Variants in CEP89 observed in about 807,000 individuals in gnomAD.
CEP89 encodes centrosomal protein of 89 kDa.
Under a neutral mutation model 97.6 loss-of-function variants are expected in CEP89, and 95 were observed. That is an observed-to-expected ratio of 0.97 (90% CI 0.82 to 1.15). CEP89 has a LOEUF of 1.15. CEP89 is among the 50% of genes most tolerant of loss of function. The pLI, the probability that CEP89 is intolerant of heterozygous loss-of-function variation, is 0.00. For missense variants in CEP89, 869 were observed against 947.7 expected (o/e 0.92, Z 1.09); for synonymous variants, 354 against 349.1 (o/e 1.01, Z -0.16).
At chr19:32,912,252 G>C (rs548320398) in intron 14 of CEP89, among the ~76,000 whole-genome samples, 1 of 152,170 alleles carries the variant, frequency 6.6e-6, no homozygotes, top group East Asian at 1.9e-4. Context: ...CATTGTGATG[G>C]TTAATTTTAT....
chr19:32,887,770 C>CTTT lies in CEP89; in HGVS notation c.1944_1946dup (p.Lys649dup). ...CACTTACCTTGACTTTTTCCTCTAA[C>CTTT]TTTCCCAGGCGAATGTTGCTTTTTA... On this transcript the variant is annotated inframe_insertion, in exon 17 of 19. Transcript: ENST00000305768. The CTTT allele has an allele frequency of 6.2e-7, 1 of 1,611,784 alleles. No homozygotes were observed. Among genetic ancestry groups the CTTT allele is most frequent in the Non-Finnish European group, 8.5e-7 (1 of 1,177,892 alleles).
chr19:32,940,941 A>G lies in CEP89; in HGVS notation c.596-1056T>C, dbSNP rs149233396. On this transcript the variant is annotated intron_variant, in intron 5 of 18. Transcript: ENST00000305768. ...ACACCCAGCTAATTTTTGTATTTTTAGTAGAGACAGGGTTCCCCCACGTTG... is the reference window on the plus strand; with the variant it reads ...ACACCCAGCTAATTTTTGTATTTTTGGTAGAGACAGGGTTCCCCCACGTTG... Among the ~76,000 whole-genome samples, 554 of 151,958 alleles carry G rather than the reference A, an allele frequency of 3.6e-3. 1 individual carries two copies. The highest frequency in any genetic ancestry group is 6.0e-3 in the Non-Finnish European group (409 of 67,964).
chr19:32,941,580 T>C (rs1050410382), intron 5 of CEP89, among the ~76,000 whole-genome samples: 4 of 152,212 alleles, frequency 2.6e-5, no homozygotes, highest in Non-Finnish European at 4.4e-5. Flanking sequence ...AGCTCATTTT[T>C]GGCCAAAGTC....
intron 13 of CEP89, chr19:32,917,855 G>C: frequency 1.1e-6 from 1 of 938,134 alleles, no homozygotes; most frequent in Non-Finnish European, 1.3e-6. Context: ...GAAAGTGAAT[G>C]GTTCTGCTTA....
At chr19:32,932,097 C>A (rs1315075712) in intron 8 of CEP89, among the ~76,000 whole-genome samples, 1 of 151,472 alleles carries the variant, frequency 6.6e-6, no homozygotes, top group Non-Finnish European at 1.5e-5. Flanking sequence ...AGGAGAATGG[C>A]GTGAACCCAG....
chr19:32,967,492 C>T (rs1298063698), intron 1 of CEP89, among the ~76,000 whole-genome samples: 1 of 143,330 alleles, frequency 7.0e-6, no homozygotes, highest in African/African-American at 2.6e-5. Flanking sequence ...GGGAGAAAGG[C>T]TCTCACTAAA....
chr19:32,927,270 A>G (rs1226934083), intron 9 of CEP89, among the ~76,000 whole-genome samples: 1 of 152,152 alleles, frequency 6.6e-6, no homozygotes, highest in East Asian at 1.9e-4. Context: ...GAAATGTTTT[A>G]GAGTAATTTG....
Position 32,899,857 on chromosome 19 carries a change from C to A in CEP89, c.1875G>T (p.Leu625Phe). The change falls in exon 16 of 19, where the codon TTG (leucine) becomes TTT (phenylalanine). Residue 625 changes from leucine (L) to phenylalanine (F), a missense_variant and splice_region_variant. Physicochemically the swap from Leu to Phe is conservative, Grantham distance 22. Transcript: ENST00000305768. The part of the protein sequence containing the change: ...ITQERDSLMC[L>F]AKCLESEKDG... ...TTGATGTAACCTTCAGGAAACTTAC[C>A]AAACACATAAGACTGTCACGTTCCT... is the stretch of plus-strand genomic sequence containing the variant. 1 of 1,610,718 alleles carries A rather than the reference C, an allele frequency of 6.2e-7. No homozygotes were observed. Among genetic ancestry groups the A allele is most frequent in the Non-Finnish European group, 8.5e-7 (1 of 1,178,472 alleles).
intron 6 of CEP89, among the ~76,000 whole-genome samples, chr19:32,937,964 C>T (rs1032620334): frequency 3.9e-5 from 6 of 151,912 alleles, no homozygotes; most frequent in African/African-American, 1.5e-4. Context: ...ACCTCAGCCT[C>T]CCAAGTAGCT....
At chr19:32,954,116 G>A (rs1300958210) in intron 3 of CEP89, among the ~76,000 whole-genome samples, 1 of 151,656 alleles carries the variant, frequency 6.6e-6, no homozygotes, top group Non-Finnish European at 1.5e-5. Flanking sequence ...CTCGTGATCC[G>A]CCCGCCTCGG....
Position 32,881,919 on chromosome 19 carries a change from C to T in CEP89, c.2060G>A (p.Arg687Gln), listed in dbSNP as rs750847644. 1.0e-5 allele frequency: 16 copies of T among 1,605,188 alleles called. No homozygotes were observed. Among genetic ancestry groups the T allele is most frequent in the South Asian group, 2.2e-5 (2 of 89,608 alleles). Residue 687 changes from arginine (R) to glutamine (Q), a missense_variant, in exon 18 of 19, where the codon CGG becomes CAG. Physicochemically the swap from Arg to Gln is conservative, Grantham distance 43. Coordinates refer to ENST00000305768, the MANE Select transcript of CEP89 (RefSeq NM_032816.5). ...CTGGTGCAGGTGCCGCATCTCCTGC[C>T]GGTACTGGGCTGTCTTGCCGGCGAA... Reference protein sequence around the residue: ...EDFAGKTAQYRQEMRHLHQVL... With the variant: ...EDFAGKTAQYQQEMRHLHQVL...
chr19:32,890,773 T>G (rs374241580), intron 16 of CEP89, among the ~76,000 whole-genome samples: 1 of 152,068 alleles, frequency 6.6e-6, no homozygotes, highest in African/African-American at 2.4e-5. Context: ...GGGAGCTCCC[T>G]GGAGTCTGTG....
chr19:32,966,604 T>C, intron 1 of CEP89, 138 bp from the exon 2 acceptor site: 1 of 419,178 alleles, frequency 2.4e-6, no homozygotes. Flanking sequence ...AGCCCACTCC[T>C]CCCCTGCCAT....
At chr19:32,951,377 T>C (rs1249260335) in intron 4 of CEP89, among the ~76,000 whole-genome samples, 1 of 151,954 alleles carries the variant, frequency 6.6e-6, no homozygotes, top group Non-Finnish European at 1.5e-5. Flanking sequence ...TCCCAGCTAC[T>C]TGGGAGGCTG....
intron 1 of CEP89, among the ~76,000 whole-genome samples, chr19:32,967,115 T>C (rs1166508230): frequency 6.6e-6 from 1 of 152,166 alleles, no homozygotes; most frequent in East Asian, 1.9e-4. Flanking sequence ...GTGCGAGTGC[T>C]GCACCTGGCC....
chr19:32,897,894 G>A (rs915089302), intron 16 of CEP89, among the ~76,000 whole-genome samples: 8 of 152,104 alleles, frequency 5.3e-5, no homozygotes, highest in Admixed American at 5.2e-4. Context: ...ACACTGATGA[G>A]GATGTGGAGA....
rs1599722492 is a variant in CEP89 at position 32,901,140 on chromosome 19, C to G, written c.1733+105G>C. The G allele has an allele frequency of 6.4e-6, 7 of 1,085,598 alleles. No individual in the cohort carries two copies. The East Asian group carries it at 1.7e-4, about 26-fold the overall frequency. The allele number at this position is 1,085,598 out of a possible 1,614,324, so 67.2% of individuals were successfully genotyped here. A position where few individuals can be genotyped will look rare whatever the true frequency, so the allele number is the denominator to read the frequency against. ...GACCTCAAATGATCGCCTGCCTCAG[C>G]CTCCCAAAGTGCTGGGATTACAGGA... On this transcript the variant is annotated intron_variant, in intron 15 of 18. Coordinates refer to ENST00000305768, the MANE Select transcript of CEP89 (RefSeq NM_032816.5).
chr19:32,936,296 A>G lies in CEP89; in HGVS notation c.667+1335T>C, dbSNP rs1970579385. 6.6e-6 allele frequency among the ~76,000 whole-genome samples: 1 copy of G among 152,112 alleles called. No individual in the cohort carries two copies. The highest frequency in any genetic ancestry group is 1.5e-5 in the Non-Finnish European group (1 of 67,984). ...GCGCCCTGCCGCCTCAGCCCCCTCC[A>G]GACTTTGGGCACCCATGAGCACAGG... On this transcript the variant is annotated intron_variant, in intron 7 of 18. Transcript: ENST00000305768. This position sits in a 1 kb window ranked among gnomAD's most constrained non-coding sequence, Gnocchi z 4.5.
chr19:32,957,477 G>A (rs1971073071), intron 3 of CEP89, among the ~76,000 whole-genome samples: 1 of 151,900 alleles, frequency 6.6e-6, no homozygotes, highest in Admixed American at 6.6e-5. Context: ...GTCCAGCCTG[G>A]GTAATATCAG....
Sources: allele counts gnomAD v4.1 joint callset (sites outside exome capture counted in the v4.1 genomes callset), GRCh38; gene constraint gnomAD v4.1.1; non-coding constraint Gnocchi (gnomAD v3.1); transcripts MANE v1.5; gene names NCBI Gene and HGNC (gene_info 2026-07-23, HGNC 2026-07-21).